CTNNA3: variants seen among roughly 807,000 people sequenced by gnomAD.
CTNNA3 encodes the protein catenin alpha 3, also known as catenin alpha-3.
CTNNA3 carries 76 observed loss-of-function variants against 95.7 expected under a neutral mutation model. That is an observed-to-expected ratio of 0.79 (90% CI 0.66 to 0.96). The LOEUF is 0.96. CTNNA3 is among the 40% of genes least tolerant of loss of function. The probability of loss-of-function intolerance (pLI) is 0.00; values close to 1 mark genes in which losing one functional copy is unlikely to be tolerated. For synonymous variants in CTNNA3, 431 were observed against 374.4 expected, an observed-to-expected ratio of 1.15 and a Z score of -1.74; for missense variants, 1,191 against 1,089.8, an observed-to-expected ratio of 1.09 and a Z score of -1.31.
intron 7 of CTNNA3, among the ~76,000 whole-genome samples, chr10:66,940,181 A>C (rs937344097): frequency 6.6e-6 from 1 of 152,158 alleles, no homozygotes; most frequent in African/African-American, 2.4e-5. Context: ...TGAAATTTGC[A>C]TTAATCTACT....
intron 7 of CTNNA3, among the ~76,000 whole-genome samples, chr10:66,994,798 A>G (rs779430427): frequency 2.2e-4 from 34 of 152,360 alleles, no homozygotes; most frequent in Non-Finnish European, 4.7e-4. Context: ...ATTGTGAAGA[A>G]GTTTTACAAA....
intron 14 of CTNNA3, among the ~76,000 whole-genome samples, chr10:66,091,024 A>T (rs1458752548): frequency 6.6e-6 from 1 of 151,968 alleles, no homozygotes; most frequent in Non-Finnish European, 1.5e-5. Context: ...TACCTTACCT[A>T]TTACTACACA....
chr10:67,356,242 T>C (rs1842802325), intron 5 of CTNNA3, among the ~76,000 whole-genome samples: 1 of 152,014 alleles, frequency 6.6e-6, no homozygotes, highest in Non-Finnish European at 1.5e-5. Context: ...AGGACTCTCT[T>C]CCCCTGTAGG....
chr10:66,629,560 A>G (rs563239963), intron 9 of CTNNA3, among the ~76,000 whole-genome samples: 64 of 152,218 alleles, frequency 4.2e-4, no homozygotes, highest in Admixed American at 1.4e-3. Flanking sequence ...GTTGTCAGCA[A>G]ATGTTCTTTC....
intron 5 of CTNNA3, among the ~76,000 whole-genome samples, chr10:67,398,709 T>A (rs1430373126): frequency 2.0e-5 from 3 of 152,166 alleles, no homozygotes; most frequent in Admixed American, 2.0e-4. Context: ...CCACGTGTCA[T>A]GGGAGGGTAC....
At chr10:67,671,528 G>A (rs1213870836) in intron 1 of CTNNA3, among the ~76,000 whole-genome samples, 2 of 143,194 alleles carry the variant, frequency 1.4e-5, no homozygotes, top group Non-Finnish European at 3.0e-5. Flanking sequence ...CCCCACAACA[G>A]TCCCTGAAGT....
intron 14 of CTNNA3, among the ~76,000 whole-genome samples, chr10:66,087,564 G>A (rs2081036206): frequency 6.6e-6 from 1 of 152,106 alleles, no homozygotes; most frequent in Non-Finnish European, 1.5e-5. Context: ...TTTAGCTAAG[G>A]ACCAGTGGAC....
intron 7 of CTNNA3, among the ~76,000 whole-genome samples, chr10:67,174,003 T>G (rs1862130573): frequency 6.6e-6 from 1 of 152,196 alleles, no homozygotes; most frequent in African/African-American, 2.4e-5. Flanking sequence ...TTAGGGACTT[T>G]CACCTCTGTA....
intron 9 of CTNNA3, among the ~76,000 whole-genome samples, chr10:66,753,139 G>A (rs1589216587): frequency 1.3e-5 from 2 of 152,112 alleles, no homozygotes; most frequent in Admixed American, 1.3e-4. Context: ...GGGGGTTGTG[G>A]TGCAGAGATC....
chr10:66,306,372 C>T (rs1002051195), intron 12 of CTNNA3, among the ~76,000 whole-genome samples: 7 of 152,136 alleles, frequency 4.6e-5, no homozygotes, highest in Admixed American at 2.0e-4. Context: ...TTAACTGCCA[C>T]AAATTTATAG....
Position 67,137,555 on chromosome 10 carries a change from T to C in CTNNA3, c.1047+42762A>G, listed in dbSNP as rs1447707266. The stretch of plus-strand genomic sequence containing the variant: ...GAAAAAGTTTTAGTTTTGTAACAAA[T>C]CATAGCACAAAACCCATTTGACCCT... On this transcript the variant is annotated intron_variant, in intron 7 of 17. Coordinates refer to ENST00000433211, the MANE Select transcript of CTNNA3 (RefSeq NM_013266.4). Among the ~76,000 whole-genome samples the C allele has an allele frequency of 2.0e-5, 3 of 152,174 alleles. No homozygotes were observed. In the East Asian group the frequency reaches 5.8e-4, roughly 29 times the overall value.
intron 10 of CTNNA3, among the ~76,000 whole-genome samples, chr10:66,537,823 A>G (rs1382862817): frequency 6.6e-6 from 1 of 151,828 alleles, no homozygotes; most frequent in Non-Finnish European, 1.5e-5. Flanking sequence ...TTCTCTGTGA[A>G]GTTACTAAAA....
chr10:67,128,072 T>C (rs1418121926), intron 7 of CTNNA3, among the ~76,000 whole-genome samples: 3 of 152,086 alleles, frequency 2.0e-5, no homozygotes, highest in Non-Finnish European at 4.4e-5. Flanking sequence ...CTCCTCTTCA[T>C]CATCTCCTAT....
chr10:66,046,179 C>T (rs192198988), intron 15 of CTNNA3, among the ~76,000 whole-genome samples: 83 of 152,246 alleles, frequency 5.5e-4, no homozygotes, highest in Non-Finnish European at 1.1e-3. Flanking sequence ...GAACCTCCCC[C>T]ACCCAGAGAA....
intron 2 of CTNNA3, among the ~76,000 whole-genome samples, chr10:67,644,390 T>A (rs1255186200): frequency 6.6e-6 from 1 of 152,188 alleles, no homozygotes; most frequent in Non-Finnish European, 1.5e-5. Flanking sequence ...TGTTTGTTTT[T>A]TCTTGTAAAT....
intron 7 of CTNNA3, among the ~76,000 whole-genome samples, chr10:66,812,058 G>A (rs922499207): frequency 6.6e-6 from 1 of 152,056 alleles, no homozygotes; most frequent in African/African-American, 2.4e-5. Context: ...TATGTCCCAG[G>A]TGCTCCTGGT....
At chr10:66,021,140 G>T (rs7068134) in intron 15 of CTNNA3, among the ~76,000 whole-genome samples, 111,040 of 152,050 alleles carry the variant, frequency 0.73, 40,795 homozygotes, top group East Asian at 0.93. Context: ...TCACGGACAT[G>T]ACTTAAAGAC....
At chr10:66,741,248 A>C (rs1299691944) in intron 9 of CTNNA3, among the ~76,000 whole-genome samples, 1 of 152,174 alleles carries the variant, frequency 6.6e-6, no homozygotes, top group Non-Finnish European at 1.5e-5. Flanking sequence ...ATGATAGTGG[A>C]TCAATGGCTA....
intron 7 of CTNNA3, among the ~76,000 whole-genome samples, chr10:67,039,021 C>T (rs994127895): frequency 2.6e-5 from 4 of 151,884 alleles, no homozygotes; most frequent in Admixed American, 6.6e-5. Flanking sequence ...GTAGAAAATT[C>T]GTGTTAGAAA....
Sources: allele counts gnomAD v4.1 joint callset (sites outside exome capture counted in the v4.1 genomes callset), GRCh38; gene constraint gnomAD v4.1.1; transcripts MANE v1.5; gene names NCBI Gene and HGNC (gene_info 2026-07-23, HGNC 2026-07-21).